Variants in UGGT2 observed in about 807,000 individuals in gnomAD.
UGGT2 encodes the protein UDP-glucose glycoprotein glucosyltransferase 2.
UGGT2 carries 180 observed loss-of-function variants against 192.1 expected under a neutral mutation model. The ratio of observed to expected loss-of-function variants is 0.94; its 90% confidence interval spans 0.83 to 1.06. The LOEUF is 1.06. Among genes scored for constraint, UGGT2 ranks in the 50% least tolerant of loss-of-function variants. UGGT2 has a pLI of 0.00. For missense variants in UGGT2, 1,849 were observed against 1,795.7 expected, an observed-to-expected ratio of 1.03 and a Z score of -0.54; for synonymous variants, 580 against 591.0, an observed-to-expected ratio of 0.98 and a Z score of 0.27.
intron 20 of UGGT2, among the ~76,000 whole-genome samples, chr13:95,911,409 A>G (rs2048492921): frequency 6.6e-6 from 1 of 152,242 alleles, no homozygotes; most frequent in South Asian, 2.1e-4. Context: ...GGATATCACC[A>G]CTGATCCCAC....
chr13:95,859,700 A>G, intron 32 of UGGT2, 25 bp from the exon 33 acceptor site: 1 of 1,531,062 alleles, frequency 6.5e-7, no homozygotes, highest in Non-Finnish European at 8.9e-7. Flanking sequence ...ATTAAACCCA[A>G]TATACATTAA....
At chr13:95,924,914 A>G (rs1323326361) in intron 20 of UGGT2, among the ~76,000 whole-genome samples, 1 of 152,196 alleles carries the variant, frequency 6.6e-6, no homozygotes, top group East Asian at 1.9e-4. Context: ...AATCTTAAAT[A>G]TAGCCTTATA....
At chr13:95,900,004 T>C (rs2048057004) in intron 22 of UGGT2, among the ~76,000 whole-genome samples, 1 of 152,174 alleles carries the variant, frequency 6.6e-6, no homozygotes, top group African/African-American at 2.4e-5. Context: ...TGAAAAACAC[T>C]GCATTTGTTG....
intron 20 of UGGT2, among the ~76,000 whole-genome samples, chr13:95,911,521 C>A (rs2048497240): frequency 6.6e-6 from 1 of 152,122 alleles, no homozygotes; most frequent in South Asian, 2.1e-4. Flanking sequence ...TACACCCTCC[C>A]AAGACTAAAC....
chr13:95,844,759 T>C (rs1888219659), intron 36 of UGGT2, among the ~76,000 whole-genome samples: 2 of 152,208 alleles, frequency 1.3e-5, no homozygotes, highest in South Asian at 4.1e-4. Flanking sequence ...TACTTATTCC[T>C]TGCCAATCTG....
intron 20 of UGGT2, 22 bp downstream of exon 20, chr13:95,925,658 G>A: frequency 1.4e-6 from 2 of 1,410,966 alleles, no homozygotes; most frequent in Non-Finnish European, 1.9e-6. Flanking sequence ...AAAATTGTTA[G>A]TAAGAATATC....
At position 96,053,315 on chromosome 13, in the gene UGGT2, C is replaced by G. The variant is rs1396262738; in HGVS notation, c.-3G>C. The G allele has an allele frequency of 2.5e-6, 4 of 1,581,096 alleles. No individual in the cohort carries two copies. In the South Asian group the frequency reaches 4.6e-5, roughly 18 times the overall value. Reference sequence around the variant, plus strand: ...TTCGTGGCTTTCGCTGGCGCCATGGCACGGAGAGAAAAGCGCGAGTCCCTC... The same window carrying G: ...TTCGTGGCTTTCGCTGGCGCCATGGGACGGAGAGAAAAGCGCGAGTCCCTC... On this transcript the variant is annotated 5_prime_UTR_variant, in exon 1 of 39. Coordinates refer to ENST00000376747, the MANE Select transcript of UGGT2 (RefSeq NM_020121.4).
chr13:95,883,396 G>A (rs575985416), intron 27 of UGGT2, among the ~76,000 whole-genome samples: 1 of 152,098 alleles, frequency 6.6e-6, no homozygotes, highest in African/African-American at 2.4e-5. Flanking sequence ...AGGACAATAA[G>A]GAGAAGGAAG....
chr13:95,823,721 T>C (rs1211868891), intron 38 of UGGT2, among the ~76,000 whole-genome samples: 1 of 152,144 alleles, frequency 6.6e-6, no homozygotes, highest in Non-Finnish European at 1.5e-5. Flanking sequence ...TCTGCCATTC[T>C]ATATCTTTTA....
chr13:95,940,680 C>A (rs2049645995), intron 15 of UGGT2, among the ~76,000 whole-genome samples: 1 of 150,844 alleles, frequency 6.6e-6, no homozygotes, highest in African/African-American at 2.4e-5. Context: ...GTATCGAATT[C>A]CTGGGCTCAA....
intron 1 of UGGT2, among the ~76,000 whole-genome samples, chr13:96,049,034 G>C (rs766897713): frequency 6.6e-6 from 1 of 152,226 alleles, no homozygotes; most frequent in South Asian, 2.1e-4. Context: ...AACAAAAAAA[G>C]AGAATTTTAG....
chr13:95,892,719 C>T (rs148244927), intron 24 of UGGT2, among the ~76,000 whole-genome samples: 12 of 152,160 alleles, frequency 7.9e-5, no homozygotes, highest in East Asian at 7.7e-4. Context: ...TAAAGGCTCC[C>T]GGGAGAAATT....
At chr13:95,895,784 G>A (rs1020525755) in intron 22 of UGGT2, among the ~76,000 whole-genome samples, 5 of 151,826 alleles carry the variant, frequency 3.3e-5, no homozygotes, top group Non-Finnish European at 7.4e-5. Context: ...TACTTTATAA[G>A]AAAGCCATAA....
At chr13:95,895,454 A>G (rs572894720) in intron 22 of UGGT2, 150 bp from the exon 23 acceptor site, 26 of 442,560 alleles carry the variant, frequency 5.9e-5, no homozygotes, top group African/African-American at 3.9e-4. Context: ...CATTTACTAA[A>G]TACGCTAGGA....
At chr13:95,922,098 G>A (rs1024201753) in intron 20 of UGGT2, among the ~76,000 whole-genome samples, 4 of 151,912 alleles carry the variant, frequency 2.6e-5, no homozygotes, top group African/African-American at 9.7e-5. Context: ...CACAATATGT[G>A]CAAATTGAAA....
At chr13:96,006,901 C>G (rs972117992) in intron 5 of UGGT2, among the ~76,000 whole-genome samples, 1 of 152,080 alleles carries the variant, frequency 6.6e-6, no homozygotes, top group Non-Finnish European at 1.5e-5. Flanking sequence ...TCTAACTCTG[C>G]TCTGTAACTT....
At chr13:95,850,079 T>C (rs1014841083) in intron 36 of UGGT2, among the ~76,000 whole-genome samples, 6 of 152,108 alleles carry the variant, frequency 3.9e-5, no homozygotes, top group Admixed American at 6.5e-5. Flanking sequence ...ACTGTTTTTT[T>C]CCCCTAGTTT....
At chr13:95,986,479 T>C (rs1211460627) in intron 8 of UGGT2, 47 bp from the exon 9 acceptor site, 1 of 1,310,826 alleles carries the variant, frequency 7.6e-7, no homozygotes, top group East Asian at 2.4e-5. Context: ...TATTAGACCT[T>C]TATAGACATT....
chr13:96,013,189 T>TA lies in UGGT2; in HGVS notation c.660+117dup, dbSNP rs2052218821. ...CACATGAAATTCACATTTGTTAAGTTAAAAAAAGTTAGATAACTATTCTGG... is the reference window on the plus strand; with the variant it reads ...CACATGAAATTCACATTTGTTAAGTTAAAAAAAAGTTAGATAACTATTCTGG... On this transcript the variant is annotated intron_variant, in intron 5 of 38. Transcript: ENST00000376747. The TA allele has an allele frequency of 4.9e-6, 5 of 1,020,456 alleles. No individual in the cohort carries two copies. In the South Asian group the frequency reaches 6.1e-5, roughly 13 times the overall value. 63.2% of individuals were successfully genotyped at this position (1,020,456 alleles called of 1,614,324 possible). A position where few individuals can be genotyped will look rare whatever the true frequency, so the allele number is the denominator to read the frequency against.
Sources: allele counts gnomAD v4.1 joint callset (sites outside exome capture counted in the v4.1 genomes callset), GRCh38; gene constraint gnomAD v4.1.1; transcripts MANE v1.5; gene names NCBI Gene and HGNC (gene_info 2026-07-23, HGNC 2026-07-21).